The following KLHL1 variants were observed in gnomAD, a reference collection of about 807,000 sequenced individuals.
KLHL1 encodes kelch-like protein 1.
Under a neutral mutation model 77.7 loss-of-function variants are expected in KLHL1, and 47 were observed. That is an observed-to-expected ratio of 0.60 (90% CI 0.48 to 0.77). The LOEUF is 0.77. Ranked by LOEUF, KLHL1 falls within the 30% of genes least tolerant of loss-of-function variation. The pLI, the probability that KLHL1 is intolerant of heterozygous loss-of-function variation, is 0.00. For synonymous variants in KLHL1, 360 were observed against 325.2 expected (o/e 1.11, Z -1.15); for missense variants, 925 against 910.8 (o/e 1.02, Z -0.20).
intron 3 of KLHL1, among the ~76,000 whole-genome samples, chr13:69,947,028 TTGTGTGTGTGTGTGTGTGTGTGTG>T (rs59606834): frequency 6.9e-6 from 1 of 145,900 alleles, no homozygotes; most frequent in Non-Finnish European, 1.5e-5. Flanking sequence ...TGTGTGTGTG[TTGTGTGTGTGTGTGTGTGTGTGTG>T]TGTGTGTGTG....
chr13:69,929,582 A>G (rs1347563843), intron 4 of KLHL1, among the ~76,000 whole-genome samples: 1 of 151,808 alleles, frequency 6.6e-6, no homozygotes, highest in African/African-American at 2.4e-5. Context: ...TTTTCCTTTA[A>G]TTTTGGTGGT....
intron 5 of KLHL1, among the ~76,000 whole-genome samples, chr13:69,878,218 T>C (rs1485403485): frequency 6.6e-6 from 1 of 152,162 alleles, no homozygotes; most frequent in Non-Finnish European, 1.5e-5. Context: ...GATTACATGG[T>C]TTAACACTAT....
Position 69,961,424 on chromosome 13 carries a change from G to C in KLHL1, c.701C>G (p.Ser234Cys). ...TGTAAACATGGCCGCAAAATAGTCG[G>C]AGACTGAACTCAGAACAAGCCTGAA... ...PAHRLVLSSVSDYFAAMFTSD... is the reference protein window; with the variant it reads ...PAHRLVLSSVCDYFAAMFTSD... Residue 234 changes from serine (S) to cysteine (C), a missense_variant, in exon 3 of 11, where the codon TCC becomes TGC. Transcript: ENST00000377844. The C allele has an allele frequency of 6.2e-7, 1 of 1,612,798 alleles. No individual in the cohort carries two copies. Among genetic ancestry groups the C allele is most frequent in the African/African-American group, 1.3e-5 (1 of 74,964 alleles).
chr13:69,747,602 A>G (rs1009821539), intron 7 of KLHL1, among the ~76,000 whole-genome samples: 11 of 152,026 alleles, frequency 7.2e-5, no homozygotes, highest in African/African-American at 2.7e-4. Context: ...GAAATTCATG[A>G]AAGAGAATAT....
At chr13:69,950,389 C>G (rs143372760) in intron 3 of KLHL1, among the ~76,000 whole-genome samples, 1,562 of 151,706 alleles carry the variant, frequency 0.01, 27 homozygotes, top group African/African-American at 0.035. Flanking sequence ...CATCGATGCA[C>G]AGGTGTTAAG....
intron 5 of KLHL1, among the ~76,000 whole-genome samples, chr13:69,877,816 C>A (rs891664450): frequency 2.0e-5 from 3 of 152,090 alleles, no homozygotes; most frequent in African/African-American, 7.2e-5. Context: ...CTACACTGCT[C>A]TTATCTGAAA....
chr13:70,067,777 G>A (rs1303841053), intron 1 of KLHL1, among the ~76,000 whole-genome samples: 1 of 152,102 alleles, frequency 6.6e-6, no homozygotes, highest in Non-Finnish European at 1.5e-5. Flanking sequence ...AGACCAGTGA[G>A]AGCCACCATC....
At chr13:69,797,593 G>A (rs1877169256) in intron 6 of KLHL1, among the ~76,000 whole-genome samples, 1 of 151,148 alleles carries the variant, frequency 6.6e-6, no homozygotes, top group African/African-American at 2.4e-5. Flanking sequence ...GAGACGGGCG[G>A]ATCACAAGGT....
intron 1 of KLHL1, among the ~76,000 whole-genome samples, chr13:69,992,660 T>C (rs1593657761): frequency 6.6e-6 from 1 of 152,144 alleles, no homozygotes; most frequent in South Asian, 2.1e-4. Context: ...CCTTTATCTT[T>C]CCTTATTTTA....
Position 69,975,885 on chromosome 13 carries a change from T to A in KLHL1, c.498-83A>T, listed in dbSNP as rs181485950. On this transcript the variant is annotated intron_variant, in intron 1 of 10. Transcript: ENST00000377844. ...CCAATTATCTAGAATAACATACAGG[T>A]TTTTATCATTTTCTTAAGAAAACTA... The A allele has an allele frequency of 2.1e-4, 290 of 1,385,028 alleles. 6 individuals are homozygous for A. In the East Asian group the frequency reaches 7.3e-3, roughly 35 times the overall value. The allele number at this position is 1,385,028 out of a possible 1,614,324, so 85.8% of individuals were successfully genotyped here.
At chr13:70,041,880 A>C (rs1015811471) in intron 1 of KLHL1, among the ~76,000 whole-genome samples, 3 of 152,124 alleles carry the variant, frequency 2.0e-5, no homozygotes, top group African/African-American at 7.2e-5. Context: ...CCACTGTTGG[A>C]TGGACGTCTT....
chr13:70,086,957 CA>C (rs1239600130), intron 1 of KLHL1, among the ~76,000 whole-genome samples: 7 of 152,062 alleles, frequency 4.6e-5, no homozygotes, highest in South Asian at 4.1e-4. Context: ...CAATATGGGT[CA>C]GGGGGGAATG....
chr13:69,856,370 A>G (rs1368474129), intron 5 of KLHL1, among the ~76,000 whole-genome samples: 1 of 151,912 alleles, frequency 6.6e-6, no homozygotes, highest in Non-Finnish European at 1.5e-5. Context: ...GCATTTGTGG[A>G]ACTGAGGAAA....
chr13:69,748,799 T>C (rs1279209730), intron 7 of KLHL1, among the ~76,000 whole-genome samples: 8 of 151,696 alleles, frequency 5.3e-5, no homozygotes, highest in Non-Finnish European at 1.0e-4. Context: ...GTCTTAGGGG[T>C]GGTCACTAAA....
intron 1 of KLHL1, among the ~76,000 whole-genome samples, chr13:70,031,265 T>G (rs1400708326): frequency 6.6e-6 from 1 of 152,172 alleles, no homozygotes; most frequent in African/African-American, 2.4e-5. Flanking sequence ...CACATCACCT[T>G]GCAAACATCA....
At chr13:69,978,579 C>G (rs886387201) in intron 1 of KLHL1, among the ~76,000 whole-genome samples, 3 of 151,438 alleles carry the variant, frequency 2.0e-5, no homozygotes, top group African/African-American at 7.3e-5. Context: ...CTCTGCCCCC[C>G]GGGTTCAAGT....
chr13:69,810,957 A>G (rs754533907), intron 6 of KLHL1, among the ~76,000 whole-genome samples: 5 of 151,282 alleles, frequency 3.3e-5, no homozygotes, highest in Admixed American at 6.6e-5. Context: ...ACTAATAAGT[A>G]AGGAAACTGA....
intron 5 of KLHL1, among the ~76,000 whole-genome samples, chr13:69,876,409 T>C (rs753860865): frequency 9.9e-5 from 15 of 152,216 alleles, no homozygotes; most frequent in Non-Finnish European, 1.8e-4. Flanking sequence ...CTATGACCAC[T>C]ACAAGTAATC....
At chr13:69,819,864 G>A (rs1445528064) in intron 6 of KLHL1, among the ~76,000 whole-genome samples, 1 of 152,116 alleles carries the variant, frequency 6.6e-6, no homozygotes, top group Non-Finnish European at 1.5e-5. Context: ...ATCAGTTTGA[G>A]AGTCTCAGCT....
Sources: gnomAD v4.1 joint callset for allele counts (sites outside exome capture counted in the v4.1 genomes callset) on GRCh38, gnomAD v4.1.1 for gene constraint, MANE v1.5 for transcripts, NCBI Gene and HGNC (gene_info 2026-07-23, HGNC 2026-07-21) for gene names.